Variants in CERS6 observed in about 807,000 individuals in gnomAD.
The protein encoded by CERS6 is LAG1 homolog, ceramide synthase 6.
A neutral mutation model predicts 56.8 loss-of-function variants in CERS6; 26 were observed. The ratio of observed to expected loss-of-function variants is 0.46; its 90% CI spans 0.34 to 0.63. CERS6 has a LOEUF of 0.63. Among genes scored for constraint, CERS6 ranks in the 30% least tolerant of loss-of-function variants. The pLI, the probability that CERS6 is intolerant of heterozygous loss-of-function variation, is 0.01. For missense variants in CERS6, 415 were observed against 467.5 expected (o/e 0.89, Z 1.04); for synonymous variants, 164 against 173.3 (o/e 0.95, Z 0.42).
chr2:168,477,173 C>CAGAGAGAGAGAGAG lies in CERS6; in HGVS notation c.170+20588_170+20601dup, dbSNP rs10609883. ...AGGGAGGAAAGGAATGAGGGAGAGACAGAGAGAGAGAGAGAGAGAGAGAGA... is the reference window on the plus strand; with the variant it reads ...AGGGAGGAAAGGAATGAGGGAGAGACAGAGAGAGAGAGAGAGAGAGAGAGAGAGAGAGAGAGAGA... On this transcript the variant is annotated intron_variant, in intron 1 of 9. Coordinates refer to ENST00000305747, the MANE Select transcript of CERS6 (RefSeq NM_203463.3). Among the ~76,000 whole-genome samples, 48 of 115,532 alleles carry CAGAGAGAGAGAGAG rather than the reference C, an allele frequency of 4.2e-4. 1 individual carries two copies. Among genetic ancestry groups the CAGAGAGAGAGAGAG allele is most frequent in the African/African-American group, 1.1e-3 (32 of 29,974 alleles). The allele number at this position is 115,532 out of a possible 152,430, so 75.8% of individuals were successfully genotyped here.
intron 4 of CERS6, among the ~76,000 whole-genome samples, chr2:168,686,775 T>C (rs1173225974): frequency 6.6e-6 from 1 of 152,210 alleles, no homozygotes; most frequent in Non-Finnish European, 1.5e-5. Flanking sequence ...TGTGTAGCCT[T>C]TAATTAATTA....
intron 1 of CERS6, among the ~76,000 whole-genome samples, chr2:168,462,571 G>A (rs1009493952): frequency 6.6e-6 from 1 of 152,094 alleles, no homozygotes; most frequent in Non-Finnish European, 1.5e-5. Flanking sequence ...TTGGGACAGG[G>A]CTTCACTCCG....
At chr2:168,536,837 ATAT>A (rs1317848503) in intron 1 of CERS6, among the ~76,000 whole-genome samples, 1 of 152,190 alleles carries the variant, frequency 6.6e-6, no homozygotes. Context: ...GCGATTTTTA[ATAT>A]TATTACAAGT....
intron 3 of CERS6, among the ~76,000 whole-genome samples, chr2:168,619,090 G>A (rs1684396325): frequency 1.3e-5 from 2 of 152,064 alleles, no homozygotes; most frequent in Admixed American, 6.6e-5. Flanking sequence ...TTCAACAAAG[G>A]AAACAAAAAC....
At chr2:168,716,722 T>C (rs533644309) in intron 7 of CERS6, among the ~76,000 whole-genome samples, 2 of 152,176 alleles carry the variant, frequency 1.3e-5, no homozygotes, top group East Asian at 1.9e-4. Context: ...CAGGAGAAGG[T>C]AGAAGGTACC....
At chr2:168,475,565 A>G (rs1694053515) in intron 1 of CERS6, among the ~76,000 whole-genome samples, 1 of 147,482 alleles carries the variant, frequency 6.8e-6, no homozygotes, top group Non-Finnish European at 1.5e-5. Flanking sequence ...TAATGGATGT[A>G]TAAACAATAA....
chr2:168,659,118 T>G (rs1175304196), intron 4 of CERS6, among the ~76,000 whole-genome samples: 2 of 152,256 alleles, frequency 1.3e-5, no homozygotes, highest in Admixed American at 1.3e-4. Context: ...ATTATAAATT[T>G]TCTTCTTTAC....
chr2:168,617,444 T>C (rs1684344434), intron 3 of CERS6, among the ~76,000 whole-genome samples: 2 of 152,016 alleles, frequency 1.3e-5, no homozygotes, highest in African/African-American at 4.8e-5. Flanking sequence ...AAATAAAATG[T>C]TGGTTATTTG....
intron 3 of CERS6, among the ~76,000 whole-genome samples, chr2:168,596,779 C>T (rs1011961236): frequency 1.5e-4 from 23 of 152,074 alleles, no homozygotes; most frequent in African/African-American, 5.3e-4. Context: ...TGATCATGAA[C>T]GCTTGGCGTC....
chr2:168,603,205 A>G (rs1683975101), intron 3 of CERS6, among the ~76,000 whole-genome samples: 1 of 152,214 alleles, frequency 6.6e-6, no homozygotes, highest in Non-Finnish European at 1.5e-5. Flanking sequence ...GAGAAGTGGT[A>G]TATGCCCCAA....
Position 168,670,966 on chromosome 2 carries a change from T to TCCC in CERS6, c.466-20056_466-20054dup, listed in dbSNP as rs35335379. 8.2e-3 allele frequency among the ~76,000 whole-genome samples: 250 copies of TCCC among 30,556 alleles called. 38 individuals carry two copies. Among genetic ancestry groups the TCCC allele is most frequent in the Non-Finnish European group, 0.025 (195 of 7,778 alleles). 20.0% of individuals were successfully genotyped at this position (30,556 alleles called of 152,430 possible). ...ACAGAGCAGGTGCTGGATACATGCTTCCCCCCCCCCCCCCAGACGGAAGCT... is the reference window on the plus strand; with the variant it reads ...ACAGAGCAGGTGCTGGATACATGCTTCCCCCCCCCCCCCCCCCAGACGGAAGCT... On this transcript the variant is annotated intron_variant, in intron 4 of 9. Coordinates refer to ENST00000305747, the MANE Select transcript of CERS6 (RefSeq NM_203463.3).
At chr2:168,668,248 C>T (rs1348281256) in intron 4 of CERS6, among the ~76,000 whole-genome samples, 2 of 152,070 alleles carry the variant, frequency 1.3e-5, no homozygotes, top group Non-Finnish European at 2.9e-5. Flanking sequence ...TTTCCTAACC[C>T]CATTATTCCT....
At chr2:168,482,613 C>G (rs1694197276) in intron 1 of CERS6, among the ~76,000 whole-genome samples, 1 of 152,248 alleles carries the variant, frequency 6.6e-6, no homozygotes, top group African/African-American at 2.4e-5. Context: ...AGGCATCTAT[C>G]TGGAAGGATT....
chr2:168,769,550 A>G lies in CERS6; in HGVS notation c.1043A>G (p.Asp348Gly), dbSNP rs1301030067. The G allele has an allele frequency of 6.2e-7, 1 of 1,612,034 alleles. No homozygotes were observed. Among genetic ancestry groups the G allele is most frequent in the Non-Finnish European group, 8.5e-7 (1 of 1,179,418 alleles). The change falls in exon 10 of 10, where the codon GAT (aspartate) becomes GGT (glycine). Residue 348 changes from aspartate (D) to glycine (G), a missense_variant. Asp to Gly is a moderately conservative substitution (Grantham distance 94). Coordinates refer to ENST00000305747, the MANE Select transcript of CERS6 (RefSeq NM_203463.3). ...CGAAGTGATATTGAGTCTAGCTCAG[A>G]TGAGGAGGACTCAGAACCTCCGGGA... ...DDRSDIESSS[D>G]EEDSEPPGKN...
chr2:168,593,341 T>A (rs1254984995), intron 3 of CERS6, among the ~76,000 whole-genome samples: 1 of 152,224 alleles, frequency 6.6e-6, no homozygotes, highest in Non-Finnish European at 1.5e-5. Context: ...TGACCACAGC[T>A]TTTTTGTCAT....
chr2:168,752,931 A>G (rs1270628252), intron 8 of CERS6, among the ~76,000 whole-genome samples: 1 of 152,242 alleles, frequency 6.6e-6, no homozygotes, highest in Non-Finnish European at 1.5e-5. Context: ...GTTAAAAATC[A>G]GAGAAACAAT....
chr2:168,702,064 A>T (rs529165037), intron 6 of CERS6, among the ~76,000 whole-genome samples: 19 of 152,210 alleles, frequency 1.2e-4, no homozygotes, highest in South Asian at 4.1e-4. Flanking sequence ...TTATTCAGAC[A>T]CACCCATCTA....
intron 9 of CERS6, chr2:168,766,199 T>C (rs560098973): frequency 1.8e-5 from 15 of 829,596 alleles, no homozygotes; most frequent in Middle Eastern, 2.2e-4. Context: ...GGACTTGAGG[T>C]TGATTCGAAT....
At chr2:168,694,360 G>A (rs965989906) in intron 5 of CERS6, among the ~76,000 whole-genome samples, 1 of 152,310 alleles carries the variant, frequency 6.6e-6, no homozygotes, top group East Asian at 1.9e-4. Flanking sequence ...GAGCTGAGAC[G>A]TGATCCGATA....
Sources: gnomAD v4.1 joint callset for allele counts (sites outside exome capture counted in the v4.1 genomes callset) on GRCh38, gnomAD v4.1.1 for gene constraint, MANE v1.5 for transcripts, NCBI Gene and HGNC (gene_info 2026-07-23, HGNC 2026-07-21) for gene names.